Variants in PATL1 observed in about 807,000 individuals in gnomAD.
The protein encoded by PATL1 is PAT1 homolog 1, processing body mRNA decay factor, also known as protein PAT1 homolog 1.
In PATL1, 32 loss-of-function variants were observed where a neutral mutation model predicts 100.6. That is an observed-to-expected ratio of 0.32 (90% CI 0.24 to 0.43). The LOEUF (loss-of-function observed/expected upper bound fraction) is 0.43, where lower values mean the gene tolerates loss of function less well. PATL1 is among the 20% of genes least tolerant of loss of function. The pLI, the probability that PATL1 is intolerant of heterozygous loss-of-function variation, is 1.00. For missense variants in PATL1, 747 were observed against 949.9 expected (o/e 0.79, Z 2.81); for synonymous variants, 332 against 330.0 (o/e 1.01, Z -0.07).
intron 8 of PATL1, among the ~76,000 whole-genome samples, chr11:59,655,150 T>C (rs1861508994): frequency 6.6e-6 from 1 of 152,252 alleles, no homozygotes; most frequent in Non-Finnish European, 1.5e-5. Flanking sequence ...TTTCCTCTAC[T>C]GGTTCTCGTG....
At chr11:59,652,439 G>A (rs1438681737) in intron 11 of PATL1, 25 bp downstream of exon 11, 1 of 1,586,956 alleles carries the variant, frequency 6.3e-7, no homozygotes, top group African/African-American at 1.4e-5. Context: ...TTTTATTATG[G>A]GCATTTTTCT....
intron 15 of PATL1, among the ~76,000 whole-genome samples, chr11:59,644,214 TA>T (rs1410862561): frequency 6.6e-6 from 1 of 152,216 alleles, no homozygotes; most frequent in Non-Finnish European, 1.5e-5. Flanking sequence ...CCAATCTTAT[TA>T]AATCTATGTT....
chr11:59,667,071 T>C (rs1234049518), intron 1 of PATL1, 107 bp from the exon 2 acceptor site: 2 of 1,429,984 alleles, frequency 1.4e-6, no homozygotes, highest in Non-Finnish European at 1.8e-6. Context: ...ATTGCTTCAT[T>C]ATGACTTTTT....
intron 4 of PATL1, 72 bp from the exon 5 acceptor site, chr11:59,657,796 C>A: frequency 8.7e-7 from 1 of 1,147,488 alleles, no homozygotes; most frequent in Non-Finnish European, 1.2e-6. Context: ...CTACAGATGC[C>A]AAAAATACCT....
In PATL1 at chr11:59,644,860, A is replaced by C. The variant is rs1861337363; in HGVS notation, c.1894-1825T>G. Among the ~76,000 whole-genome samples, 3 of 147,228 alleles carry C rather than the reference A, an allele frequency of 2.0e-5. No homozygotes were observed. In the South Asian group the frequency reaches 6.6e-4, roughly 32 times the overall value. On this transcript the variant is annotated intron_variant, in intron 15 of 18. Coordinates refer to ENST00000300146, the MANE Select transcript of PATL1 (RefSeq NM_152716.3). ...TGCTTGAGCCCAGGAGCTCGAGACA[A>C]GCCTGGACAACATAGGGAGACTTCG...
At chr11:59,664,256 C>T (rs917950040) in intron 2 of PATL1, among the ~76,000 whole-genome samples, 21 of 152,022 alleles carry the variant, frequency 1.4e-4, no homozygotes, top group African/African-American at 5.1e-4. Flanking sequence ...AATACCGTTC[C>T]GGACACTCTA....
chr11:59,655,612 G>T lies in PATL1; in HGVS notation c.942C>A (p.Gly314=), dbSNP rs762402119. The change falls in exon 8 of 19, where the codon GGC becomes GGA. Residue 314 remains glycine, a synonymous_variant. Coordinates refer to ENST00000300146, the MANE Select transcript of PATL1 (RefSeq NM_152716.3). ...GTGGAGCACTAAAGAAGGCACGGAA[G>T]CCTGGTGCTGGGGGAAGCATCTGCC... The part of the protein sequence containing the change: ...RVGQMLPPAP[G]FRAFFSAPPS... 1 of 1,594,702 alleles carries T rather than the reference G, an allele frequency of 6.3e-7. No individual in the cohort carries two copies. Among genetic ancestry groups the T allele is most frequent in the Admixed American group, 1.8e-5 (1 of 56,560 alleles).
chr11:59,647,903 C>T lies in PATL1; in HGVS notation c.1744G>A (p.Asp582Asn). ...KLPGQERPSD[D>N]HFVQIMCIRK... Reference sequence around the variant, plus strand: ...ATACACATGATCTGTACAAAGTGGTCATCACTAGGCCTGCAAGGAAGAAAA... The same window carrying T: ...ATACACATGATCTGTACAAAGTGGTTATCACTAGGCCTGCAAGGAAGAAAA... The change falls in exon 15 of 19, where the codon GAC becomes AAC. Residue 582 changes from aspartate (D) to asparagine (N), a missense_variant. Asp to Asn is a conservative substitution (Grantham distance 23). This residue lies in a region of PATL1 where 434 missense variants were observed against 596.1 expected (regional missense o/e 0.73). Transcript: ENST00000300146. 6.2e-7 allele frequency: 1 copy of T among 1,604,720 alleles called. No homozygotes were observed. Among genetic ancestry groups the T allele is most frequent in the Non-Finnish European group, 8.5e-7 (1 of 1,174,374 alleles).
chr11:59,646,831 T>C (rs1404971139), intron 15 of PATL1, among the ~76,000 whole-genome samples: 1 of 152,164 alleles, frequency 6.6e-6, no homozygotes, highest in Non-Finnish European at 1.5e-5. Context: ...ATGACAAGGA[T>C]AAGGAGAGAA....
Position 59,668,958 on chromosome 11 carries a change from C to G in PATL1, c.-63G>C, listed in dbSNP as rs925140385. 2.8e-6 allele frequency: 1 copy of G among 352,576 alleles called. No individual in the cohort carries two copies. The highest frequency in any genetic ancestry group is 5.3e-6 in the Non-Finnish European group (1 of 188,206). The allele number at this position is 352,576 out of a possible 1,614,324, so 21.8% of individuals were successfully genotyped here. ...GGGAGGGAGGGAAGAAGCGCTGACT[C>G]CCCGGCTCCTCCGCGCGCGGGTCCT... On this transcript the variant is annotated 5_prime_UTR_variant, in exon 1 of 19. Coordinates refer to ENST00000300146, the MANE Select transcript of PATL1 (RefSeq NM_152716.3).
chr11:59,667,205 C>A (rs764237817), intron 1 of PATL1: 5 of 522,328 alleles, frequency 9.6e-6, no homozygotes, highest in Non-Finnish European at 1.2e-5. Context: ...TCACAGCATT[C>A]CATTTCTCTA....
In PATL1 at chr11:59,655,659, T is replaced by A; in HGVS notation, c.895A>T (p.Lys299Ter). The stretch of plus-strand genomic sequence containing the variant: ...TGCCCAACTCGCCCTTGTAGCAACT[T>A]GGGATTCATGGCAGCAAGTGGACTA... ...VGSPLAAMNP[K>*]LLQGRVGQML... The change falls in exon 8 of 19, where the codon AAG becomes TAG. Residue 299 changes from lysine (K) to a stop codon, truncating the protein, a stop_gained. Coordinates refer to ENST00000300146, the MANE Select transcript of PATL1 (RefSeq NM_152716.3). LOFTEE classifies it high-confidence loss of function. 6.2e-7 allele frequency: 1 copy of A among 1,604,216 alleles called. No individual in the cohort carries two copies. The highest frequency in any genetic ancestry group is 8.5e-7 in the Non-Finnish European group (1 of 1,175,338).
chr11:59,652,731 T>C, intron 10 of PATL1, 107 bp downstream of exon 10: 4 of 1,500,900 alleles, frequency 2.7e-6, no homozygotes, highest in Non-Finnish European at 3.6e-6. Context: ...GCTAAGTACC[T>C]CAAAAGAAAA....
In PATL1 at chr11:59,638,152, C is replaced by A; in HGVS notation, c.*238G>T. The A allele has an allele frequency of 1.8e-6, 1 of 567,420 alleles. No homozygotes were observed. Among genetic ancestry groups the A allele is most frequent in the Non-Finnish European group, 3.2e-6 (1 of 317,034 alleles). The allele number at this position is 567,420 out of a possible 1,614,324, so 35.1% of individuals were successfully genotyped here. A position where few individuals can be genotyped will look rare whatever the true frequency, so the allele number is the denominator to read the frequency against. On this transcript the variant is annotated 3_prime_UTR_variant, in exon 19 of 19. Transcript: ENST00000300146. ...CAGAACTGAGTAAAAGTAGGACATGCAGAACTGTAACACAGAAGGTAAAGA... is the reference window on the plus strand; with the variant it reads ...CAGAACTGAGTAAAAGTAGGACATGAAGAACTGTAACACAGAAGGTAAAGA...
chr11:59,657,156 A>G, intron 5 of PATL1: 1 of 977,956 alleles, frequency 1.0e-6, no homozygotes, highest in South Asian at 4.7e-5. Context: ...CACAGGCTCT[A>G]GGGAAAGCAG....
At position 59,652,864 on chromosome 11, in the gene PATL1, G is replaced by C. The variant is rs766346134; in HGVS notation, c.1276C>G (p.Pro426Ala). ...IQMMQLQSTDPYLDDFYYQNY... is the reference protein window; with the variant it reads ...IQMMQLQSTDAYLDDFYYQNY... ...TGGTAATAAAAATCATCCAGGTAGG[G>C]ATCAGTGCTTTGCAGTTGCATCATC... Residue 426 changes from proline (P) to alanine (A), a missense_variant, in exon 10 of 19, where the codon CCC becomes GCC. Coordinates refer to ENST00000300146, the MANE Select transcript of PATL1 (RefSeq NM_152716.3). 1 of 1,613,806 alleles carries C rather than the reference G, an allele frequency of 6.2e-7. No homozygotes were observed. Among genetic ancestry groups the C allele is most frequent in the East Asian group, 2.2e-5 (1 of 44,882 alleles).
chr11:59,669,021 G>C lies in PATL1; in HGVS notation c.-126C>G. On this transcript the variant is annotated 5_prime_UTR_variant, in exon 1 of 19. Transcript: ENST00000300146. ...GACCCCTGGCCGCCGCCGTACGCCG[G>C]AGCGTGCGTGGGGACGTGCGCAGGC... The C allele has an allele frequency of 4.1e-6, 1 of 246,246 alleles. No homozygotes were observed. The highest frequency in any genetic ancestry group is 1.4e-4 in the South Asian group (1 of 7,076). The allele number at this position is 246,246 out of a possible 1,614,324, so 15.3% of individuals were successfully genotyped here. A position where few individuals can be genotyped will look rare whatever the true frequency, so the allele number is the denominator to read the frequency against.
intron 4 of PATL1, 69 bp from the exon 5 acceptor site, chr11:59,657,793 T>A: frequency 8.3e-7 from 1 of 1,210,284 alleles, no homozygotes; most frequent in South Asian, 2.2e-5. Context: ...TCTCTACAGA[T>A]GCCAAAAATA....
intron 1 of PATL1, 29 bp downstream of exon 1, chr11:59,668,852 A>G (rs1590707415): frequency 2.2e-6 from 2 of 929,028 alleles, no homozygotes; most frequent in Non-Finnish European, 3.0e-6. Context: ...GGAGGGAGGG[A>G]GGGGTCACTT....
Sources: gnomAD v4.1 joint callset for allele counts (sites outside exome capture counted in the v4.1 genomes callset) on GRCh38, gnomAD v4.1.1 for gene constraint, gnomAD v4.1.1 regional missense constraint, MANE v1.5 for transcripts, NCBI Gene and HGNC (gene_info 2026-07-23, HGNC 2026-07-21) for gene names.